JAM3: variants seen among roughly 807,000 people sequenced by gnomAD.
JAM3 encodes junctional adhesion molecule C.
Under a neutral mutation model 39.4 loss-of-function variants are expected in JAM3, and 31 were observed. The ratio of observed to expected loss-of-function variants is 0.79; its 90% CI spans 0.59 to 1.06. The LOEUF (loss-of-function observed/expected upper bound fraction) is 1.06. Ranked by LOEUF, JAM3 falls within the 50% of genes least tolerant of loss-of-function variation. JAM3 has a pLI of 0.00. For synonymous variants in JAM3, 182 were observed against 148.7 expected (o/e 1.22, Z -1.63); for missense variants, 455 against 391.4 (o/e 1.16, Z -1.37).
chr11:134,089,254 T>G (rs1332211857), intron 1 of JAM3, among the ~76,000 whole-genome samples: 1 of 152,166 alleles, frequency 6.6e-6, no homozygotes, highest in East Asian at 1.9e-4. Flanking sequence ...CTTAGGATAT[T>G]TTGTTTGGTT....
intron 1 of JAM3, among the ~76,000 whole-genome samples, chr11:134,129,122 C>CT (rs35267285): frequency 0.021 from 2,877 of 136,354 alleles, 76 homozygotes; most frequent in African/African-American, 0.061. Flanking sequence ...TCTTCAAGTT[C>CT]TTTTTTTTTT....
At chr11:134,111,355 C>T (rs566004026) in intron 1 of JAM3, among the ~76,000 whole-genome samples, 1 of 151,874 alleles carries the variant, frequency 6.6e-6, no homozygotes, top group South Asian at 2.1e-4. Flanking sequence ...TGTTAGCCAG[C>T]ATGGTCTCAA....
chr11:134,127,069 A>C (rs992320087), intron 1 of JAM3, among the ~76,000 whole-genome samples: 2 of 152,234 alleles, frequency 1.3e-5, no homozygotes, highest in East Asian at 3.8e-4. Context: ...AAAACAAAAC[A>C]CCAAAGCGTG....
At position 134,137,671 on chromosome 11, in the gene JAM3, A is replaced by G. The variant is rs552955892; in HGVS notation, c.77-2180A>G. ...TAGAGCCAGTGGTGGTGTCTCGTCT[A>G]AGTCGTGGTGCTCATACTGAGAGAA... is the stretch of plus-strand genomic sequence containing the variant. On this transcript the variant is annotated intron_variant, in intron 1 of 8. Transcript: ENST00000299106. Among the ~76,000 whole-genome samples, 630 of 151,664 alleles carry G rather than the reference A, an allele frequency of 4.2e-3. 3 individuals are homozygous for G. Among genetic ancestry groups the G allele is most frequent in the African/African-American group, 0.014 (586 of 41,332 alleles).
intron 1 of JAM3, among the ~76,000 whole-genome samples, chr11:134,104,423 C>G (rs1183307656): frequency 6.6e-6 from 1 of 152,082 alleles, no homozygotes; most frequent in Admixed American, 6.6e-5. Context: ...CTAAAATTGA[C>G]GCCCTAACAT....
At chr11:134,146,185 C>T in intron 6 of JAM3, 140 bp downstream of exon 6, 2 of 709,302 alleles carry the variant, frequency 2.8e-6, no homozygotes, top group Non-Finnish European at 5.1e-6. Context: ...TCCACCAGAA[C>T]CCACTGCACA....
chr11:134,124,439 C>G (rs534157248), intron 1 of JAM3: 2 of 533,524 alleles, frequency 3.7e-6, no homozygotes, highest in Non-Finnish European at 6.7e-6. Flanking sequence ...ACTAAAATGC[C>G]TATTATCAAT....
chr11:134,119,953 C>G (rs1565495591), intron 1 of JAM3, among the ~76,000 whole-genome samples: 1 of 152,114 alleles, frequency 6.6e-6, no homozygotes, highest in Non-Finnish European at 1.5e-5. Flanking sequence ...CTTGTCAGAA[C>G]CCATATTTGA....
intron 1 of JAM3, among the ~76,000 whole-genome samples, chr11:134,111,204 C>T (rs1434319266): frequency 7.7e-5 from 10 of 129,256 alleles, no homozygotes; most frequent in Non-Finnish European, 1.1e-4. Flanking sequence ...AGTGCAGTGG[C>T]GCGATCTCGG....
intron 1 of JAM3, among the ~76,000 whole-genome samples, chr11:134,108,993 A>G (rs898577794): frequency 2.0e-5 from 3 of 152,118 alleles, no homozygotes; most frequent in African/African-American, 7.2e-5. Context: ...GTCTCATTCT[A>G]TCTCCCGGGC....
At chr11:134,079,338 A>G (rs1033238609) in intron 1 of JAM3, among the ~76,000 whole-genome samples, 1 of 152,256 alleles carries the variant, frequency 6.6e-6, no homozygotes, top group Non-Finnish European at 1.5e-5. Context: ...AGTAACAGCT[A>G]TAGATGAAGA....
In JAM3 at chr11:134,149,806, G is replaced by A; in HGVS notation, c.*625G>A. ...GGTTGCTGGAAGAGGGATCTTGCCT[G>A]AGGAACCCTGCTTGTCCAACAGGGT... On this transcript the variant is annotated 3_prime_UTR_variant, in exon 9 of 9. Coordinates refer to ENST00000299106, the MANE Select transcript of JAM3 (RefSeq NM_032801.5). 2.6e-6 allele frequency: 1 copy of A among 388,962 alleles called. No individual in the cohort carries two copies. The highest frequency in any genetic ancestry group is 5.2e-6 in the Non-Finnish European group (1 of 193,052). 24.1% of individuals were successfully genotyped at this position (388,962 alleles called of 1,614,324 possible).
chr11:134,076,147 C>CTTTTT (rs1162193853), intron 1 of JAM3, among the ~76,000 whole-genome samples: 1 of 110,530 alleles, frequency 9.0e-6, no homozygotes, highest in African/African-American at 3.9e-5. Flanking sequence ...CTTTTCTTTT[C>CTTTTT]TTTCTTTTTT....
At chr11:134,145,144 A>C in intron 5 of JAM3, 150 bp downstream of exon 5, 1 of 716,772 alleles carries the variant, frequency 1.4e-6, no homozygotes, top group Non-Finnish European at 2.5e-6. Context: ...AGGAAAAATG[A>C]CCCTTCTTCC....
intron 1 of JAM3, among the ~76,000 whole-genome samples, chr11:134,106,485 A>G (rs537935892): frequency 6.6e-6 from 1 of 152,372 alleles, no homozygotes; most frequent in Admixed American, 6.5e-5. Context: ...ACAAAAGCCA[A>G]ATTTGACAGA....
intron 1 of JAM3, among the ~76,000 whole-genome samples, chr11:134,105,982 G>T (rs973102727): frequency 1.3e-5 from 2 of 152,136 alleles, no homozygotes; most frequent in Non-Finnish European, 2.9e-5. Context: ...TTTCTTCACA[G>T]AATTGGAAAA....
At chr11:134,144,467 C>T (rs939666553) in intron 4 of JAM3, 74 bp downstream of exon 4, 8 of 1,551,418 alleles carry the variant, frequency 5.2e-6, no homozygotes, top group South Asian at 2.2e-5. Flanking sequence ...GGTTTCTTTC[C>T]TTCTAGAACT....
intron 1 of JAM3, among the ~76,000 whole-genome samples, chr11:134,107,121 G>A (rs532067834): frequency 6.6e-6 from 1 of 152,262 alleles, no homozygotes; most frequent in African/African-American, 2.4e-5. Context: ...AGAAAATGTG[G>A]CACATATACA....
At chr11:134,078,232 G>A (rs1284464603) in intron 1 of JAM3, among the ~76,000 whole-genome samples, 1 of 152,028 alleles carries the variant, frequency 6.6e-6, no homozygotes, top group African/African-American at 2.4e-5. Context: ...CGATTCTCCC[G>A]CCTCAGCCTC....
Sources: allele counts gnomAD v4.1 joint callset (sites outside exome capture counted in the v4.1 genomes callset), GRCh38; gene constraint gnomAD v4.1.1; transcripts MANE v1.5; gene names NCBI Gene and HGNC (gene_info 2026-07-23, HGNC 2026-07-21).